ST3GAL6: variants seen among roughly 807,000 people sequenced by gnomAD.
ST3GAL6 encodes the protein type 2 lactosamine alpha-2,3-sialyltransferase.
In ST3GAL6, 31 loss-of-function variants were observed where a neutral mutation model predicts 40.5. That is an observed-to-expected ratio of 0.77 (90% CI 0.58 to 1.03). The LOEUF is 1.03. ST3GAL6 is among the 50% of genes least tolerant of loss of function. The pLI is 0.00. For missense variants in ST3GAL6, 357 were observed against 393.2 expected, an observed-to-expected ratio of 0.91 and a Z score of 0.78; for synonymous variants, 129 against 136.9, an observed-to-expected ratio of 0.94 and a Z score of 0.40.
At chr3:98,732,875 G>A (rs2107225274) in intron 1 of ST3GAL6, 12 of 1,512,558 alleles carry the variant, frequency 7.9e-6, no homozygotes, top group African/African-American at 5.7e-5. Flanking sequence ...TGTGGCAGGC[G>A]CCGCGAGAGA....
At chr3:98,763,547 G>A in intron 1 of ST3GAL6, 108 bp downstream of exon 1, 1 of 1,013,470 alleles carries the variant, frequency 9.9e-7, no homozygotes. Context: ...GAGGTAGAAG[G>A]GGGATGTGCT....
intron 9 of ST3GAL6, 21 bp downstream of exon 9, chr3:98,792,014 T>A: frequency 6.3e-7 from 1 of 1,581,930 alleles, no homozygotes; most frequent in South Asian, 1.2e-5. Context: ...GTACTTTAGG[T>A]AATATACATA....
intron 1 of ST3GAL6, among the ~76,000 whole-genome samples, chr3:98,735,513 G>A (rs749997321): frequency 8.5e-5 from 13 of 152,304 alleles, no homozygotes; most frequent in Non-Finnish European, 1.3e-4. Flanking sequence ...AGGGTCTGGC[G>A]AAATCTAGGA....
At position 98,737,328 on chromosome 3, in the gene ST3GAL6, G is replaced by C. The variant is rs188462016; in HGVS notation, c.-12+4796G>C. Among the ~76,000 whole-genome samples, 370 of 152,282 alleles carry C rather than the reference G, an allele frequency of 2.4e-3. 3 individuals are homozygous for C. The highest frequency in any genetic ancestry group is 6.8e-3 in the Middle Eastern group (2 of 294). On this transcript the variant is annotated intron_variant, in intron 1 of 9. Coordinates refer to the ST3GAL6 transcript ENST00000265261. ...GGCCTCCTAAAGTGTTGGGATTACA[G>C]GCGTGAGCCACCACACGCGGCCCCT...
intron 1 of ST3GAL6, among the ~76,000 whole-genome samples, chr3:98,754,848 T>C (rs1302937610): frequency 6.6e-6 from 1 of 152,194 alleles, no homozygotes; most frequent in Non-Finnish European, 1.5e-5. Flanking sequence ...CAGTAAAATA[T>C]TTTAAAATTA....
chr3:98,734,490 T>G lies in ST3GAL6; in HGVS notation c.-12+1958T>G, dbSNP rs553378557. 1.1e-4 allele frequency among the ~76,000 whole-genome samples: 17 copies of G among 152,342 alleles called. 1 individual carries two copies. The highest frequency in any genetic ancestry group is 4.1e-4 in the African/African-American group (17 of 41,580). On this transcript the variant is annotated intron_variant, in intron 1 of 9. Coordinates refer to the ST3GAL6 transcript ENST00000265261. ...GTTTCCTAAGCTGTTCTTGTGGTCA[T>G]GTAGACTGGGAGGGGAGATCTTCAT...
At chr3:98,754,795 T>C (rs1937298016) in intron 1 of ST3GAL6, among the ~76,000 whole-genome samples, 1 of 152,244 alleles carries the variant, frequency 6.6e-6, no homozygotes. Flanking sequence ...AAAAAGATTA[T>C]AACTCAGTGA....
rs766325877 is a variant in ST3GAL6, at chr3:98,787,465, C to T, written c.432-571C>T. ...CCTTGGCTTTCAGCATACACAAACCCAACAGTAGATCCTTTGTGGTTCTTT... is the reference window on the plus strand; with the variant it reads ...CCTTGGCTTTCAGCATACACAAACCTAACAGTAGATCCTTTGTGGTTCTTT... On this transcript the variant is annotated intron_variant, in intron 6 of 9. Transcript: ENST00000483910. 8.9e-4 allele frequency among the ~76,000 whole-genome samples: 135 copies of T among 152,292 alleles called. No homozygotes were observed. The Middle Eastern group carries it at 0.014, about 15-fold the overall frequency.
upstream of ST3GAL6, chr3:98,762,737 T>C (rs1053519230): frequency 5.4e-6 from 5 of 929,920 alleles, no homozygotes; most frequent in African/African-American, 8.9e-5. Flanking sequence ...ATGGTTATTA[T>C]AGTTTTCTAT....
At position 98,788,202 on chromosome 3, in the gene ST3GAL6, T is replaced by A. The variant is rs952315467; in HGVS notation, c.598T>A (p.Leu200Met). ...ACATGATTTAAGGTGGCTGTTGGAA[T>A]TGTTGATGGGTGACAAAATAGTAAG... The part of the protein sequence containing the change: ...KPHDLRWLLE[L>M]LMGDKINTNG... The change falls in exon 7 of 10, where the codon TTG becomes ATG. Residue 200 changes from leucine (L) to methionine (M), a missense_variant. Leu to Met is a conservative substitution (Grantham distance 15). Coordinates refer to ENST00000483910, the MANE Select transcript of ST3GAL6 (RefSeq NM_001323368.2). 3 of 1,611,164 alleles carry A rather than the reference T, an allele frequency of 1.9e-6. No individual in the cohort carries two copies. The highest frequency in any genetic ancestry group is 2.5e-6 in the Non-Finnish European group (3 of 1,178,518).
chr3:98,787,821 C>A (rs1343869516), intron 6 of ST3GAL6, among the ~76,000 whole-genome samples: 1 of 152,208 alleles, frequency 6.6e-6, no homozygotes, highest in Non-Finnish European at 1.5e-5. Context: ...TTTTCAAATA[C>A]AAATGAACAT....
chr3:98,740,423 T>C (rs1284140548), intron 1 of ST3GAL6, among the ~76,000 whole-genome samples: 1 of 152,142 alleles, frequency 6.6e-6, no homozygotes, highest in Non-Finnish European at 1.5e-5. Context: ...CATCTTATGT[T>C]GCTAACTTTC....
intron 1 of ST3GAL6, among the ~76,000 whole-genome samples, chr3:98,764,756 T>C (rs1029071474): frequency 5.9e-5 from 9 of 152,214 alleles, no homozygotes; most frequent in Non-Finnish European, 1.3e-4. Flanking sequence ...CCACTTCTTT[T>C]GCAAGGTGGT....
chr3:98,784,462 G>C (rs1940488865), intron 5 of ST3GAL6: 1 of 156,268 alleles, frequency 6.4e-6, no homozygotes, highest in Non-Finnish European at 1.4e-5. Flanking sequence ...CAGAGAGCCA[G>C]AGGTAGAATC....
chr3:98,733,769 C>T (rs143983565), intron 1 of ST3GAL6, among the ~76,000 whole-genome samples: 1 of 152,246 alleles, frequency 6.6e-6, no homozygotes, highest in Non-Finnish European at 1.5e-5. Context: ...CAAAAACAAA[C>T]CCAAAGCACC....
At chr3:98,756,275 T>G in intron 1 of ST3GAL6, 2 of 1,045,696 alleles carry the variant, frequency 1.9e-6, no homozygotes, top group South Asian at 2.7e-5. Context: ...TTTACTAAAA[T>G]GGCGTTTTCC....
chr3:98,792,651 C>T (rs1206476771), intron 9 of ST3GAL6, among the ~76,000 whole-genome samples: 19 of 149,386 alleles, frequency 1.3e-4, no homozygotes, highest in African/African-American at 4.2e-4. Context: ...GGATAACAGG[C>T]GCCCGCCACC....
intron 1 of ST3GAL6, among the ~76,000 whole-genome samples, chr3:98,764,637 T>C (rs1938140381): frequency 2.0e-5 from 3 of 152,234 alleles, no homozygotes; most frequent in Admixed American, 2.0e-4. Flanking sequence ...GCCTGTGGCC[T>C]GATAGAGACA....
chr3:98,772,490 T>C, intron 3 of ST3GAL6: 2 of 164,016 alleles, frequency 1.2e-5, no homozygotes, highest in Non-Finnish European at 2.6e-5. Context: ...ACTTTGTTTT[T>C]TCCTATATAT....
Sources: gnomAD v4.1 joint callset for allele counts (sites outside exome capture counted in the v4.1 genomes callset) on GRCh38, gnomAD v4.1.1 for gene constraint, MANE v1.5 for transcripts, NCBI Gene and HGNC (gene_info 2026-07-23, HGNC 2026-07-21) for gene names.